The following CELF2 variants were observed in gnomAD, a reference collection of about 807,000 sequenced individuals.
CELF2 encodes the protein CUG triplet repeat RNA-binding protein 2.
CELF2 carries 8 observed loss-of-function variants against 62.6 expected under a neutral mutation model. The observed-to-expected ratio is 0.13, with a 90% CI of 0.07 to 0.23. The LOEUF (loss-of-function observed/expected upper bound fraction) is 0.23, where lower values mean the gene tolerates loss of function less well. Ranked by LOEUF, CELF2 falls within the 10% of genes least tolerant of loss-of-function variation. CELF2 has a pLI of 1.00. For missense variants in CELF2, 333 were observed against 671.0 expected (o/e 0.50, Z 5.56); for synonymous variants, 258 against 250.0 (o/e 1.03, Z -0.30).
At chr10:10,503,571 T>C in the CELF2 span, among the ~76,000 whole-genome samples, 2 of 151,972 alleles carry the variant, frequency 1.3e-5, no homozygotes, top group African/African-American at 4.8e-5. Flanking sequence ...ATATATCTTT[T>C]TCCATTATTT....
rs547571613 is a variant in CELF2, at chr10:11,305,657, G to A, written c.977-8482G>A. ...CTAGCACCTAATGACCTAGGCACTC[G>A]GTCTCTGACCTACAGTGTTAACCTA... is the stretch of plus-strand genomic sequence containing the variant. On this transcript the variant is annotated intron_variant, in intron 9 of 12. Coordinates refer to ENST00000633077, the MANE Select transcript of CELF2 (RefSeq NM_001326342.2). This position sits in a 1 kb window ranked among gnomAD's most constrained non-coding sequence, Gnocchi z 4.8. Among the ~76,000 whole-genome samples, 9 of 152,298 alleles carry A rather than the reference G, an allele frequency of 5.9e-5. No individual in the cohort carries two copies. The highest frequency in any genetic ancestry group is 4.1e-4 in the South Asian group (2 of 4,824).
the CELF2 span, among the ~76,000 whole-genome samples, chr10:10,619,721 C>T: frequency 6.6e-6 from 1 of 152,178 alleles, no homozygotes; most frequent in Non-Finnish European, 1.5e-5. Flanking sequence ...CAGTTGGTGC[C>T]AGAATCTTGA....
chr10:10,961,478 C>CT (rs1475255901), intron 2 of CELF2, among the ~76,000 whole-genome samples: 2 of 152,268 alleles, frequency 1.3e-5, no homozygotes, highest in South Asian at 2.1e-4. Flanking sequence ...GGTGCGGTGG[C>CT]TTACATGCCT....
chr10:11,187,164 G>T (rs2075164837), intron 2 of CELF2, among the ~76,000 whole-genome samples: 1 of 152,040 alleles, frequency 6.6e-6, no homozygotes, highest in Non-Finnish European at 1.5e-5. Context: ...GTGTATTTGT[G>T]TATTTCTCCT....
In CELF2 at chr10:11,214,479, C is replaced by T. The variant is rs7094118; in HGVS notation, c.272-2946C>T. Reference sequence around the variant, plus strand: ...TTGCACAAGGGTATCCTACTGAGGCCGTGAATAGAGTAGAAATCCAGGCTG... The same window carrying T: ...TTGCACAAGGGTATCCTACTGAGGCTGTGAATAGAGTAGAAATCCAGGCTG... On this transcript the variant is annotated intron_variant, in intron 2 of 12. Coordinates refer to ENST00000633077, the MANE Select transcript of CELF2 (RefSeq NM_001326342.2). This position sits in a 1 kb window ranked among gnomAD's most constrained non-coding sequence, Gnocchi z 4.2. Among the ~76,000 whole-genome samples the T allele has an allele frequency of 0.62, 93,851 of 151,980 alleles. 30,307 individuals are homozygous for T. Among genetic ancestry groups the T allele is most frequent in the Middle Eastern group, 0.73 (215 of 294 alleles).
intron 3 of CELF2, among the ~76,000 whole-genome samples, chr10:11,226,600 C>CCACACACACACACACACACACACACA (rs59521803): frequency 1.2e-4 from 3 of 25,896 alleles, no homozygotes; most frequent in African/African-American, 1.8e-4. Context: ...CAGGCAGTGG[C>CCACACACACACACACACACACACACA]CACACACACA....
At chr10:10,918,012 T>G (rs1469821622) in intron 1 of CELF2, 3 of 152,310 alleles carry the variant, frequency 2.0e-5, no homozygotes, top group Non-Finnish European at 2.9e-5. Flanking sequence ...AGTTGTATCT[T>G]AACTCTGTGC....
Position 10,931,243 on chromosome 10 carries a change from A to G in CELF2, c.89+11244A>G, listed in dbSNP as rs1350319376. 2.0e-5 allele frequency among the ~76,000 whole-genome samples: 3 copies of G among 152,206 alleles called. No individual in the cohort carries two copies. Among genetic ancestry groups the G allele is most frequent in the Non-Finnish European group, 2.9e-5 (2 of 68,042 alleles). ...TGTGTTCATTTTTCAAATAAGCAAC[A>G]TTAGACTCACAAAACACTATATAAA... On this transcript the variant is annotated intron_variant, in intron 2 of 13. Transcript: ENST00000636488. The surrounding 1 kb of genome is among the most constrained non-coding windows in gnomAD (Gnocchi z 6.1).
At chr10:10,721,496 T>A in the CELF2 span, among the ~76,000 whole-genome samples, 2 of 152,242 alleles carry the variant, frequency 1.3e-5, no homozygotes, top group African/African-American at 4.8e-5. Context: ...AAAATAATAC[T>A]TCAGTGTTCA....
chr10:11,067,849 G>A (rs10905893), intron 1 of CELF2, among the ~76,000 whole-genome samples: 32,316 of 152,076 alleles, frequency 0.21, 3,573 homozygotes, highest in Middle Eastern at 0.29. Context: ...CCACTTTCCC[G>A]TCTGTAAAGT....
intron 1 of CELF2, among the ~76,000 whole-genome samples, chr10:11,135,122 C>G (rs1295090206): frequency 6.6e-6 from 1 of 152,084 alleles, no homozygotes; most frequent in Non-Finnish European, 1.5e-5. Flanking sequence ...GCTTTGGTCC[C>G]GACTCCCTGT....
At chr10:10,572,784 A>G in the CELF2 span, among the ~76,000 whole-genome samples, 3 of 152,032 alleles carry the variant, frequency 2.0e-5, no homozygotes, top group African/African-American at 2.4e-5. Context: ...GGTTGTTTCC[A>G]TGTCTTTTCT....
At chr10:11,084,830 G>T (rs114100825) in intron 1 of CELF2, among the ~76,000 whole-genome samples, 2 of 152,094 alleles carry the variant, frequency 1.3e-5, no homozygotes, top group Non-Finnish European at 2.9e-5. Flanking sequence ...TACAGACCCC[G>T]CAACAAAGAG....
chr10:11,121,703 TG>T (rs202147763), intron 1 of CELF2, among the ~76,000 whole-genome samples: 10,071 of 151,822 alleles, frequency 0.066, 386 homozygotes, highest in African/African-American at 0.1. Context: ...GTATTTTTTT[TG>T]TTTTTTTTAC....
chr10:11,218,006 TG>T (rs2063781302), intron 3 of CELF2, among the ~76,000 whole-genome samples: 1 of 152,232 alleles, frequency 6.6e-6, no homozygotes, highest in Non-Finnish European at 1.5e-5. Flanking sequence ...ATACCCAATT[TG>T]TGGCTTCATG....
chr10:10,843,996 A>C (rs1327251584), intron 1 of CELF2, among the ~76,000 whole-genome samples: 2 of 152,134 alleles, frequency 1.3e-5, no homozygotes, highest in East Asian at 3.9e-4. Flanking sequence ...AAAATGAATT[A>C]GATGATTCCT....
chr10:10,858,274 C>T (rs935493884), intron 1 of CELF2, among the ~76,000 whole-genome samples: 13 of 152,068 alleles, frequency 8.5e-5, no homozygotes, highest in Non-Finnish European at 1.8e-4. Context: ...CTCTCTGTGG[C>T]CTCTCATCAC....
chr10:10,537,319 G>A, the CELF2 span, among the ~76,000 whole-genome samples: 2 of 152,070 alleles, frequency 1.3e-5, no homozygotes, highest in South Asian at 2.1e-4. Context: ...ACCGGCCCAG[G>A]AATATTTAGA....
At chr10:11,124,810 A>G (rs976420672) in intron 1 of CELF2, among the ~76,000 whole-genome samples, 1 of 152,220 alleles carries the variant, frequency 6.6e-6, no homozygotes, top group South Asian at 2.1e-4. Flanking sequence ...ACATATTCAT[A>G]AATTCTTCTG....
Sources: allele counts gnomAD v4.1 joint callset (sites outside exome capture counted in the v4.1 genomes callset), GRCh38; gene constraint gnomAD v4.1.1; non-coding constraint Gnocchi (gnomAD v3.1); transcripts MANE v1.5; gene names NCBI Gene and HGNC (gene_info 2026-07-23, HGNC 2026-07-21).